Variants in USP34 observed in about 807,000 individuals in gnomAD.
USP34 encodes ubiquitin specific peptidase 34.
In USP34, 70 loss-of-function variants were observed where a neutral mutation model predicts 460.3. That is an observed-to-expected ratio of 0.15 (90% CI 0.13 to 0.19). USP34 has a LOEUF of 0.19. Among genes scored for constraint, USP34 ranks in the 10% least tolerant of loss-of-function variants. USP34 has a pLI of 1.00. For missense variants in USP34, 3,985 were observed against 4,236.2 expected, an observed-to-expected ratio of 0.94 and a Z score of 1.65; for synonymous variants, 1,647 against 1,405.3, an observed-to-expected ratio of 1.17 and a Z score of -3.85.
chr2:61,214,509 C>A lies in USP34; in HGVS notation c.8233G>T (p.Ala2745Ser), dbSNP rs779086203. Residue 2745 changes from alanine (A) to serine (S), a missense_variant, in exon 68 of 80, where the codon GCT (alanine) becomes TCT (serine). Physicochemically the swap from Ala to Ser is moderately conservative, Grantham distance 99. Transcript: ENST00000398571. ...LSRAKLYVDA[A>S]VHGTTKLVPY... Reference sequence around the variant, plus strand: ...ACTAGCTTTGTAGTGCCATGAACAGCAGCATCAACATAAAGTTTGGCTCTT... The same window carrying A: ...ACTAGCTTTGTAGTGCCATGAACAGAAGCATCAACATAAAGTTTGGCTCTT... 7 of 1,613,392 alleles carry A rather than the reference C, an allele frequency of 4.3e-6. No homozygotes were observed. The African/African-American group carries it at 9.3e-5, about 22-fold the overall frequency.
intron 1 of USP34, among the ~76,000 whole-genome samples, chr2:61,467,626 T>TTG (rs796180230): frequency 5.9e-4 from 85 of 144,796 alleles, no homozygotes; most frequent in African/African-American, 1.6e-3. Context: ...TGTTTTTTTT[T>TTG]TTTTTTTTTT....
At chr2:61,441,422 C>G (rs1297695031) in intron 1 of USP34, among the ~76,000 whole-genome samples, 1 of 151,988 alleles carries the variant, frequency 6.6e-6, no homozygotes, top group East Asian at 1.9e-4. Context: ...GAGTCCCTGC[C>G]CTTCCTGAAA....
chr2:61,254,949 G>A (rs1399952315), intron 48 of USP34, among the ~76,000 whole-genome samples: 1 of 152,092 alleles, frequency 6.6e-6, no homozygotes, highest in Admixed American at 6.6e-5. Context: ...AGCCTCAAGT[G>A]ATCCTCCCGA....
intron 3 of USP34, among the ~76,000 whole-genome samples, chr2:61,398,391 A>AG (rs1198758207): frequency 2.2e-5 from 3 of 139,060 alleles, no homozygotes; most frequent in Admixed American, 1.5e-4. Flanking sequence ...GAGATGGGGG[A>AG]GGACAGAAAG....
intron 21 of USP34, among the ~76,000 whole-genome samples, chr2:61,321,106 T>C (rs573712226): frequency 2.0e-5 from 3 of 150,322 alleles, no homozygotes; most frequent in African/African-American, 7.3e-5. Flanking sequence ...AGCCCAGGAG[T>C]TCAAGGCTGC....
At position 61,350,306 on chromosome 2, in the gene USP34, A is replaced by G. The variant is rs1248463321; in HGVS notation, c.1461T>C (p.Ser487=). 1 of 1,612,746 alleles carries G rather than the reference A, an allele frequency of 6.2e-7. No individual in the cohort carries two copies. The highest frequency in any genetic ancestry group is 2.2e-5 in the East Asian group (1 of 44,798). Residue 487 remains serine, a synonymous_variant, in exon 12 of 80, where the codon TCT becomes TCC. Coordinates refer to ENST00000398571, the MANE Select transcript of USP34 (RefSeq NM_014709.4). The part of the protein sequence containing the change: ...AAKAQLSKQS[S]FASLLNTNIP... ...TATTAGTATTTAATAAAGATGCAAAAGAACTCTGTTTAGATAACTGAGCCT... is the reference window on the plus strand; with the variant it reads ...TATTAGTATTTAATAAAGATGCAAAGGAACTCTGTTTAGATAACTGAGCCT...
intron 3 of USP34, among the ~76,000 whole-genome samples, chr2:61,402,263 G>C (rs1441075815): frequency 1.3e-5 from 2 of 152,126 alleles, no homozygotes; most frequent in African/African-American, 2.4e-5. Flanking sequence ...CTGGGAGACA[G>C]AGCAAGACCC....
At chr2:61,431,182 G>A (rs1416331872) in intron 1 of USP34, among the ~76,000 whole-genome samples, 1 of 152,060 alleles carries the variant, frequency 6.6e-6, no homozygotes, top group Non-Finnish European at 1.5e-5. Context: ...AGTACTGCAG[G>A]ATGACTATTT....
At chr2:61,218,323 A>G (rs1194684551) in intron 67 of USP34, among the ~76,000 whole-genome samples, 1 of 150,976 alleles carries the variant, frequency 6.6e-6, no homozygotes, top group Non-Finnish European at 1.5e-5. Flanking sequence ...CAGGAAAAAA[A>G]AAAAAAAAAA....
At chr2:61,256,766 A>T (rs1688734266) in intron 47 of USP34, 107 bp downstream of exon 47, 2 of 827,438 alleles carry the variant, frequency 2.4e-6, no homozygotes, top group South Asian at 5.5e-5. Flanking sequence ...AAGAAAATAC[A>T]TAAAAACATG....
At chr2:61,296,334 T>C (rs933932783) in intron 30 of USP34, among the ~76,000 whole-genome samples, 8 of 152,136 alleles carry the variant, frequency 5.3e-5, no homozygotes, top group Non-Finnish European at 1.2e-4. Flanking sequence ...CCAACACACA[T>C]GTGAGGTGGT....
chr2:61,349,898 C>G (rs1390313692), intron 12 of USP34, among the ~76,000 whole-genome samples: 2 of 151,846 alleles, frequency 1.3e-5, no homozygotes, highest in African/African-American at 2.4e-5. Context: ...CCTGACATGG[C>G]AGAAAACTTT....
chr2:61,249,185 A>T (rs1328765125), intron 48 of USP34, among the ~76,000 whole-genome samples: 1 of 152,246 alleles, frequency 6.6e-6, no homozygotes, highest in East Asian at 1.9e-4. Flanking sequence ...CATATTGAGA[A>T]CTTTAAGGCA....
intron 27 of USP34, among the ~76,000 whole-genome samples, chr2:61,308,620 G>C (rs1397674022): frequency 6.6e-6 from 1 of 152,118 alleles, no homozygotes; most frequent in Admixed American, 6.5e-5. Flanking sequence ...CAAACTGAAA[G>C]GGTCCAGTGC....
At chr2:61,362,904 A>G (rs1390759008) in intron 10 of USP34, among the ~76,000 whole-genome samples, 2 of 152,208 alleles carry the variant, frequency 1.3e-5, no homozygotes, top group East Asian at 3.8e-4. Flanking sequence ...GTATTTGCCT[A>G]TTATATCTCA....
At chr2:61,268,990 C>A (rs1489227350) in intron 41 of USP34, among the ~76,000 whole-genome samples, 2 of 141,118 alleles carry the variant, frequency 1.4e-5, no homozygotes, top group Non-Finnish European at 3.1e-5. Flanking sequence ...AAGACAATAT[C>A]ATGTACACAG....
chr2:61,409,708 C>T (rs1693983436), intron 2 of USP34, among the ~76,000 whole-genome samples: 1 of 151,962 alleles, frequency 6.6e-6, no homozygotes. Flanking sequence ...ATCAAGACTC[C>T]ATCTCAAAAA....
chr2:61,417,434 C>G, intron 2 of USP34: 1 of 378,284 alleles, frequency 2.6e-6, no homozygotes. Flanking sequence ...TTAAACAGCA[C>G]TTAAAAATGA....
chr2:61,286,060 AC>A (rs1411116732), intron 34 of USP34, among the ~76,000 whole-genome samples: 1 of 152,204 alleles, frequency 6.6e-6, no homozygotes, highest in Non-Finnish European at 1.5e-5. Context: ...CAGGAACTAA[AC>A]CTGTCCCTGG....
Sources: allele counts gnomAD v4.1 joint callset (sites outside exome capture counted in the v4.1 genomes callset), GRCh38; gene constraint gnomAD v4.1.1; transcripts MANE v1.5; gene names NCBI Gene and HGNC (gene_info 2026-07-23, HGNC 2026-07-21).